The following BUB1 variants were observed in gnomAD, a reference collection of about 807,000 sequenced individuals.
BUB1 encodes the protein mitotic checkpoint serine/threonine-protein kinase BUB1.
In BUB1, 84 loss-of-function variants were observed where a neutral mutation model predicts 135.2. The ratio of observed to expected loss-of-function variants is 0.62; its 90% CI spans 0.52 to 0.74. The LOEUF is 0.74. Among genes scored for constraint, BUB1 ranks in the 30% least tolerant of loss-of-function variants. BUB1 has a pLI of 0.00. For synonymous variants in BUB1, 403 were observed against 434.4 expected (o/e 0.93, Z 0.90); for missense variants, 1,162 against 1,288.3 (o/e 0.90, Z 1.50).
intron 17 of BUB1, among the ~76,000 whole-genome samples, chr2:110,652,427 A>G (rs1008091625): frequency 6.6e-6 from 1 of 152,192 alleles, no homozygotes; most frequent in African/African-American, 2.4e-5. Context: ...TAATGTTCCT[A>G]AGCACTAGAA....
In BUB1 at chr2:110,640,391, A is replaced by G. The variant is rs144399595; in HGVS notation, c.2956-543T>C. Among the ~76,000 whole-genome samples, 134 of 152,136 alleles carry G rather than the reference A, an allele frequency of 8.8e-4. 2 individuals carry two copies. Among genetic ancestry groups the G allele is most frequent in the East Asian group, 4.8e-3 (25 of 5,174 alleles). Reference sequence around the variant, plus strand: ...TTACCATGGGCTCCTGGAAAGACATAGCTCTCACCAGGGAACTTGGCAGTT... The same window carrying G: ...TTACCATGGGCTCCTGGAAAGACATGGCTCTCACCAGGGAACTTGGCAGTT... On this transcript the variant is annotated intron_variant, in intron 23 of 24. Coordinates refer to ENST00000302759, the MANE Select transcript of BUB1 (RefSeq NM_004336.5).
chr2:110,657,602 G>A lies in BUB1; in HGVS notation c.1560C>T (p.Ile520=). The A allele has an allele frequency of 5.0e-6, 8 of 1,606,922 alleles. No individual in the cohort carries two copies. The highest frequency in any genetic ancestry group is 6.8e-6 in the Non-Finnish European group (8 of 1,176,406). Residue 520 remains isoleucine (I), a synonymous_variant, in exon 14 of 25, where the codon ATC becomes ATT. Coordinates refer to ENST00000302759, the MANE Select transcript of BUB1 (RefSeq NM_004336.5). ...CATGAAAAGCAGATGACAAAGAAGA[G>A]ATGATCTTATTGACTCCCCAAGCCC... ...SSGAWGVNKI[I]SSLSSAFHVF... is the part of the protein sequence containing the mutation.
chr2:110,658,266 A>G (rs1689985723), intron 13 of BUB1, 144 bp downstream of exon 13: 1 of 655,158 alleles, frequency 1.5e-6, no homozygotes, highest in Admixed American at 3.1e-5. Flanking sequence ...CTTGTCAAGA[A>G]CTGTCTTATT....
At chr2:110,651,784 A>G (rs1446090540) in intron 17 of BUB1, among the ~76,000 whole-genome samples, 1 of 152,124 alleles carries the variant, frequency 6.6e-6, no homozygotes, top group Non-Finnish European at 1.5e-5. Flanking sequence ...TATCTTCTCT[A>G]TGTTTACATA....
rs1414690499 is a variant in BUB1, at chr2:110,661,799, C to G, written c.1000G>C (p.Glu334Gln). 1 of 1,614,026 alleles carries G rather than the reference C, an allele frequency of 6.2e-7. No individual in the cohort carries two copies. The highest frequency in any genetic ancestry group is 8.5e-7 in the Non-Finnish European group (1 of 1,180,026). The part of the protein sequence containing the change: ...RMGPSVGSQQ[E>Q]LRAPCLPVTY... ...ACTGGAAGACATGGCGCTCTCAGTT[C>G]CTGCTGGGAGCCTACACTTGGCCCC... Residue 334 changes from glutamate (E) to glutamine (Q), a missense_variant, in exon 10 of 25, where the codon GAA (glutamate) becomes CAA (glutamine). Transcript: ENST00000302759.
intron 9 of BUB1, among the ~76,000 whole-genome samples, chr2:110,664,395 A>T (rs1690186491): frequency 1.3e-5 from 2 of 152,180 alleles, no homozygotes; most frequent in Admixed American, 6.5e-5. Flanking sequence ...GTTTTTCCAC[A>T]CCAATAGCGC....
In BUB1 at chr2:110,672,943, C is replaced by G. The variant is rs552737587; in HGVS notation, c.226-86G>C. ...AGGAGTTAGCCAGCTAAGCTGGGAGCCCCTAGGTAGCTTCGGATGGGAGCT... is the reference window on the plus strand; with the variant it reads ...AGGAGTTAGCCAGCTAAGCTGGGAGGCCCTAGGTAGCTTCGGATGGGAGCT... On this transcript the variant is annotated intron_variant, in intron 3 of 24. Coordinates refer to ENST00000302759, the MANE Select transcript of BUB1 (RefSeq NM_004336.5). 95 of 1,357,238 alleles carry G rather than the reference C, an allele frequency of 7.0e-5. No individual in the cohort carries two copies. In the Admixed American group the frequency reaches 1.3e-3, roughly 19 times the overall value. The allele number at this position is 1,357,238 out of a possible 1,614,324, so 84.1% of individuals were successfully genotyped here. A position where few individuals can be genotyped will look rare whatever the true frequency, so the allele number is the denominator to read the frequency against.
intron 9 of BUB1, among the ~76,000 whole-genome samples, chr2:110,664,886 G>T (rs1179851593): frequency 6.6e-6 from 1 of 152,170 alleles, no homozygotes; most frequent in African/African-American, 2.4e-5. Flanking sequence ...TATAATTAAA[G>T]AAACTACATC....
intron 18 of BUB1, 33 bp downstream of exon 18, chr2:110,650,513 T>C: frequency 6.3e-7 from 1 of 1,597,462 alleles, no homozygotes; most frequent in African/African-American, 1.3e-5. Flanking sequence ...CCTGTCCTGA[T>C]TCAAGGGCAT....
rs906722913 is a variant in BUB1, at chr2:110,660,317, A to G, written c.1218-281T>C. On this transcript the variant is annotated intron_variant, in intron 10 of 24. Transcript: ENST00000302759. ...CTTGAACCCAGGAGGCAGAGGTTGC[A>G]GTGAGCCAAGATCGCACCATTGCAC... Among the ~76,000 whole-genome samples the G allele has an allele frequency of 3.0e-4, 46 of 152,256 alleles. No homozygotes were observed. In the Middle Eastern group the frequency reaches 0.017, roughly 57 times the overall value.
chr2:110,654,921 C>T (rs1024254018), intron 16 of BUB1, among the ~76,000 whole-genome samples: 1 of 152,058 alleles, frequency 6.6e-6, no homozygotes, highest in African/African-American at 2.4e-5. Flanking sequence ...TACAGTCAGC[C>T]CTCTGTATTC....
intron 24 of BUB1, 152 bp from the exon 25 acceptor site, chr2:110,638,311 T>C (rs903410489): frequency 2.0e-6 from 1 of 506,908 alleles, no homozygotes; most frequent in East Asian, 3.2e-5. Flanking sequence ...GGAAACACTA[T>C]ATCTATTATA....
At position 110,678,004 on chromosome 2, in the gene BUB1, G is replaced by A; in HGVS notation, c.-9C>T. On this transcript the variant is annotated 5_prime_UTR_variant, in exon 1 of 25. Transcript: ENST00000302759. ...TTTTCCGGGGTGTCCATGGCCAGAGGACGCTGGCCGGCAGCGGCCAAACCT... is the reference window on the plus strand; with the variant it reads ...TTTTCCGGGGTGTCCATGGCCAGAGAACGCTGGCCGGCAGCGGCCAAACCT... 2 of 1,605,486 alleles carry A rather than the reference G, an allele frequency of 1.2e-6. No homozygotes were observed. The highest frequency in any genetic ancestry group is 1.7e-6 in the Non-Finnish European group (2 of 1,176,696).
intron 9 of BUB1, 79 bp from the exon 10 acceptor site, chr2:110,661,920 A>C: frequency 5.3e-5 from 80 of 1,505,734 alleles, no homozygotes; most frequent in Non-Finnish European, 6.9e-5. Flanking sequence ...ACATCTTCTC[A>C]AAGCATGGCA....
chr2:110,647,407 C>T (rs1689670201), intron 19 of BUB1, among the ~76,000 whole-genome samples: 1 of 152,122 alleles, frequency 6.6e-6, no homozygotes, highest in African/African-American at 2.4e-5. Flanking sequence ...TGCAATTTAT[C>T]CCAGGTATAC....
chr2:110,659,705 G>A (rs926644343), intron 11 of BUB1, among the ~76,000 whole-genome samples: 2 of 152,196 alleles, frequency 1.3e-5, no homozygotes, highest in East Asian at 3.8e-4. Flanking sequence ...TACTAAAGAT[G>A]ACTCTGTTTT....
At chr2:110,639,992 C>A in intron 23 of BUB1, 144 bp from the exon 24 acceptor site, 1 of 732,590 alleles carries the variant, frequency 1.4e-6, no homozygotes, top group Non-Finnish European at 2.5e-6. Context: ...TTCAATCGCC[C>A]CACTAACATG....
At position 110,638,020 on chromosome 2, in the gene BUB1, C is replaced by G; in HGVS notation, c.3202G>C (p.Ala1068Pro). The change falls in exon 25 of 25, where the codon GCC becomes CCC. Residue 1068 changes from alanine (A) to proline (P), a missense_variant. Transcript: ENST00000302759. ...AGTACAATTAGCCTATTACGTAGGG[C>G]CCTAATCTTGTTAGTATAGTGTTGT... ...FQQHYTNKIR[A>P]LRNRLIVLLL... The G allele has an allele frequency of 6.2e-7, 1 of 1,604,786 alleles. No individual in the cohort carries two copies. Among genetic ancestry groups the G allele is most frequent in the Non-Finnish European group, 8.5e-7 (1 of 1,176,094 alleles).
Position 110,669,572 on chromosome 2 carries a change from T to G in BUB1, c.467-19A>C. 6.1e-6 allele frequency: 9 copies of G among 1,470,260 alleles called. No homozygotes were observed. The highest frequency in any genetic ancestry group is 8.6e-6 in the Non-Finnish European group (9 of 1,051,436). 91.1% of individuals were successfully genotyped at this position (1,470,260 alleles called of 1,614,324 possible). A position where few individuals can be genotyped will look rare whatever the true frequency, so the allele number is the denominator to read the frequency against. ...GTTCTAGCTATGAGGGAAAAGAGGA[T>G]AAAATACGGAGAAATTAAGGGTAAA... On this transcript the variant is annotated intron_variant, in intron 5 of 24. Coordinates refer to ENST00000302759, the MANE Select transcript of BUB1 (RefSeq NM_004336.5).
Sources: allele counts gnomAD v4.1 joint callset (sites outside exome capture counted in the v4.1 genomes callset), GRCh38; gene constraint gnomAD v4.1.1; transcripts MANE v1.5; gene names NCBI Gene and HGNC (gene_info 2026-07-23, HGNC 2026-07-21).